The following FMN1 variants were observed in gnomAD, a reference collection of about 807,000 sequenced individuals.
FMN1 encodes formin-1.
In FMN1, 110 loss-of-function variants were observed where a neutral mutation model predicts 132.4. The observed-to-expected ratio is 0.83, with a 90% confidence interval of 0.71 to 0.97. The LOEUF is 0.97. FMN1 is among the 50% of genes least tolerant of loss of function. The probability of loss-of-function intolerance (pLI) is 0.00; values close to 1 mark genes in which losing one functional copy is unlikely to be tolerated. For synonymous variants in FMN1, 722 were observed against 651.7 expected (o/e 1.11, Z -1.64); for missense variants, 1,792 against 1,705.3 (o/e 1.05, Z -0.90).
intron 8 of FMN1, among the ~76,000 whole-genome samples, chr15:32,964,548 T>C (rs1316135911): frequency 6.6e-6 from 1 of 152,186 alleles, no homozygotes; most frequent in Admixed American, 6.5e-5. Flanking sequence ...GGGATTCGGA[T>C]TCCTGGGGGC....
chr15:32,863,524 G>A (rs2059325113), intron 16 of FMN1, among the ~76,000 whole-genome samples: 1 of 152,204 alleles, frequency 6.6e-6, no homozygotes, highest in East Asian at 1.9e-4. Context: ...AATTGTGTCA[G>A]ATATTGGGGT....
chr15:33,148,683 T>C (rs1368151068), intron 4 of FMN1, among the ~76,000 whole-genome samples: 1 of 152,146 alleles, frequency 6.6e-6, no homozygotes, highest in Non-Finnish European at 1.5e-5. Context: ...CACGCACGCC[T>C]TCCCTTGCGC....
At chr15:33,086,350 C>T (rs934061859) in intron 5 of FMN1, among the ~76,000 whole-genome samples, 1 of 144,982 alleles carries the variant, frequency 6.9e-6, no homozygotes, top group Non-Finnish European at 1.5e-5. Context: ...ACAAACCATA[C>T]TTAGTGAAAA....
At chr15:33,017,581 A>G (rs770262111) in intron 6 of FMN1, among the ~76,000 whole-genome samples, 19 of 152,226 alleles carry the variant, frequency 1.2e-4, no homozygotes, top group Non-Finnish European at 2.6e-4. Flanking sequence ...AAAATAAAAT[A>G]TTGGACAATA....
At chr15:32,856,853 T>C (rs547446808) in intron 17 of FMN1, among the ~76,000 whole-genome samples, 162 bp downstream of exon 17, 6 of 152,322 alleles carry the variant, frequency 3.9e-5, no homozygotes, top group African/African-American at 1.4e-4. Flanking sequence ...GACAACTTTA[T>C]CTACCGTGAG....
intron 7 of FMN1, among the ~76,000 whole-genome samples, chr15:32,976,937 G>A (rs2032256916): frequency 6.6e-6 from 1 of 152,178 alleles, no homozygotes; most frequent in African/African-American, 2.4e-5. Flanking sequence ...ACTCTGCAAG[G>A]CAGACATTCT....
At chr15:32,935,020 C>G (rs185298573) in intron 9 of FMN1, among the ~76,000 whole-genome samples, 132 of 151,688 alleles carry the variant, frequency 8.7e-4, no homozygotes, top group African/African-American at 2.5e-3. Flanking sequence ...CTCCTGAGTT[C>G]AAGCGATTCT....
intron 6 of FMN1, among the ~76,000 whole-genome samples, chr15:33,052,688 A>G (rs181891441): frequency 6.6e-6 from 1 of 152,214 alleles, no homozygotes; most frequent in Non-Finnish European, 1.5e-5. Flanking sequence ...ACCCCACCTC[A>G]AAGCTAAAGA....
intron 16 of FMN1, among the ~76,000 whole-genome samples, chr15:32,881,844 A>G (rs1413578121): frequency 1.3e-5 from 2 of 152,184 alleles, no homozygotes; most frequent in African/African-American, 4.8e-5. Context: ...CATCTACATC[A>G]GGAGCCCAAT....
chr15:33,110,511 A>C, intron 4 of FMN1, among the ~76,000 whole-genome samples: 1 of 152,024 alleles, frequency 6.6e-6, no homozygotes, highest in East Asian at 1.9e-4. Context: ...ATGGCCATAT[A>C]ATAGTTTTGT....
intron 18 of FMN1, among the ~76,000 whole-genome samples, chr15:32,801,949 A>T (rs2057495607): frequency 6.6e-6 from 1 of 152,248 alleles, no homozygotes; most frequent in African/African-American, 2.4e-5. Context: ...TTTTAAATTC[A>T]GTTTTGATTC....
chr15:33,154,690 G>A lies in FMN1; in HGVS notation c.225C>T (p.Phe75=), dbSNP rs1268499359. The A allele has an allele frequency of 2.0e-6, 3 of 1,536,002 alleles. No homozygotes were observed. Among genetic ancestry groups the A allele is most frequent in the African/African-American group, 2.7e-5 (2 of 73,008 alleles). Reference sequence around the variant, plus strand: ...GAATGTCTTTCGTGGGAGTCTGCTTGAAAAATATGTCGCCTGGATGTTCGT... The same window carrying A: ...GAATGTCTTTCGTGGGAGTCTGCTTAAAAAATATGTCGCCTGGATGTTCGT... ...EPDEHPGDIF[F]KQTPTKDILT... The change falls in exon 4 of 21, where the codon TTC becomes TTT. Residue 75 remains phenylalanine, a synonymous_variant. Coordinates refer to ENST00000616417, the MANE Select transcript of FMN1 (RefSeq NM_001277313.2).
At chr15:33,044,244 T>C (rs1584954) in intron 6 of FMN1, among the ~76,000 whole-genome samples, 28,168 of 152,088 alleles carry the variant, frequency 0.19, 2,796 homozygotes, top group Middle Eastern at 0.24. Context: ...ACACTCTAGG[T>C]TCCATGAACA....
intron 8 of FMN1, among the ~76,000 whole-genome samples, chr15:32,966,044 C>A (rs1034741926): frequency 2.0e-5 from 3 of 152,014 alleles, no homozygotes; most frequent in Admixed American, 6.6e-5. Context: ...AGTGAGCATG[C>A]GGCATGTTAA....
At chr15:32,847,592 T>C (rs370946228) in intron 17 of FMN1, among the ~76,000 whole-genome samples, 117 of 152,076 alleles carry the variant, frequency 7.7e-4, no homozygotes, top group Non-Finnish European at 1.3e-3. Context: ...TGGTGGCTCA[T>C]GCCTGTAATC....
At chr15:33,043,540 G>C (rs1027239399) in intron 6 of FMN1, among the ~76,000 whole-genome samples, 1 of 152,208 alleles carries the variant, frequency 6.6e-6, no homozygotes, top group Non-Finnish European at 1.5e-5. Flanking sequence ...CCTGATTCAC[G>C]AATTGTTCAT....
At position 33,064,984 on chromosome 15, in the gene FMN1, T is replaced by C. The variant is rs1231631863; in HGVS notation, c.2134A>G (p.Lys712Glu). The change falls in exon 6 of 21, where the codon AAA (lysine) becomes GAA (glutamate). Residue 712 changes from lysine to glutamate, a missense_variant. Coordinates refer to ENST00000616417, the MANE Select transcript of FMN1 (RefSeq NM_001277313.2). ...PPPKTKDTEE[K>E]VGLKYTEAEY... ...GCTTCAGTGTACTTCAGTCCCACTT[T>C]TTCTTCTGTGTCTTTTGTCTTTGGG... 1.2e-6 allele frequency: 2 copies of C among 1,612,520 alleles called. No individual in the cohort carries two copies. The highest frequency in any genetic ancestry group is 4.5e-5 in the East Asian group (2 of 44,834).
At chr15:33,082,748 C>T (rs571820135) in intron 5 of FMN1, among the ~76,000 whole-genome samples, 8 of 152,164 alleles carry the variant, frequency 5.3e-5, no homozygotes, top group South Asian at 2.1e-4. Context: ...CCTAAATGGG[C>T]GCTCCGGGGT....
chr15:33,164,384 C>G (rs1965014640), intron 3 of FMN1, among the ~76,000 whole-genome samples: 1 of 152,054 alleles, frequency 6.6e-6, no homozygotes, highest in African/African-American at 2.4e-5. Flanking sequence ...ATGTAGAGGA[C>G]AAATTTCAGC....
Sources: allele counts gnomAD v4.1 joint callset (sites outside exome capture counted in the v4.1 genomes callset), GRCh38; gene constraint gnomAD v4.1.1; transcripts MANE v1.5; gene names NCBI Gene and HGNC (gene_info 2026-07-23, HGNC 2026-07-21).